The following MUC4 variants were observed in gnomAD, a reference collection of about 807,000 sequenced individuals.
MUC4 encodes the protein mucin 4, cell surface associated.
A neutral mutation model predicts 257.9 loss-of-function variants in MUC4; 202 were observed. The ratio of observed to expected loss-of-function variants is 0.78; its 90% confidence interval spans 0.70 to 0.88. The LOEUF (loss-of-function observed/expected upper bound fraction) is 0.88. Among genes scored for constraint, MUC4 ranks in the 40% least tolerant of loss-of-function variants. The pLI is 0.00. For missense variants in MUC4, 5,976 were observed against 6,513.7 expected, an observed-to-expected ratio of 0.92 and a Z score of 2.84; for synonymous variants, 2,351 against 2,757.1, an observed-to-expected ratio of 0.85 and a Z score of 4.62.
At chr3:195,798,885 C>G (rs975951038) in intron 1 of MUC4, among the ~76,000 whole-genome samples, 1 of 152,040 alleles carries the variant, frequency 6.6e-6, no homozygotes, top group African/African-American at 2.4e-5. Flanking sequence ...CCTTGCTTCC[C>G]CCTTTTGGAG....
chr3:195,801,134 C>T (rs1353816456), intron 1 of MUC4, among the ~76,000 whole-genome samples: 1 of 152,154 alleles, frequency 6.6e-6, no homozygotes, highest in Non-Finnish European at 1.5e-5. Context: ...TACTCATAGC[C>T]TTGTTCTTGC....
At chr3:195,772,208 G>A (rs1045276025) in intron 4 of MUC4, among the ~76,000 whole-genome samples, 8 of 149,480 alleles carry the variant, frequency 5.4e-5, no homozygotes, top group African/African-American at 2.0e-4. Context: ...TCCCTCCATC[G>A]CTCAGTGGGT....
At chr3:195,800,783 A>G (rs1735194498) in intron 1 of MUC4, among the ~76,000 whole-genome samples, 1 of 151,320 alleles carries the variant, frequency 6.6e-6, no homozygotes, top group Non-Finnish European at 1.5e-5. Context: ...TCAGCTGGGC[A>G]TGGTAGCTCA....
intron 5 of MUC4, chr3:195,770,609 C>T: frequency 1.7e-6 from 1 of 575,600 alleles, no homozygotes; most frequent in Admixed American, 3.1e-5. Context: ...TCCAAGACCT[C>T]TGGACTTGAA....
chr3:195,786,426 AAG>A lies in MUC4; in HGVS notation c.5152_5153del (p.Leu1718PhefsTer7). On this transcript the variant is annotated frameshift_variant, in exon 2 of 25. Transcript: ENST00000463781. LOFTEE classifies it high-confidence loss of function. ...TGGTGTCACCTGTGGATACTGAGGA[AAG>A]GCTGGTGACAGGAAGAGGGGTGGCC... ...GQATPLPVTS[L>X]SSVSTGDTTP... is the part of the protein sequence containing the mutation. 6.5e-7 allele frequency: 1 copy of A among 1,527,850 alleles called. No individual in the cohort carries two copies. Among genetic ancestry groups the A allele is most frequent in the South Asian group, 1.2e-5 (1 of 83,018 alleles). 94.6% of individuals were successfully genotyped at this position (1,527,850 alleles called of 1,614,324 possible). A position where few individuals can be genotyped will look rare whatever the true frequency, so the allele number is the denominator to read the frequency against.
At chr3:195,763,197 G>A (rs1317768145) in intron 12 of MUC4, among the ~76,000 whole-genome samples, 3 of 152,368 alleles carry the variant, frequency 2.0e-5, no homozygotes, top group Non-Finnish European at 1.5e-5. Context: ...TTCTTACTAG[G>A]AGAAAACCAA....
rs145224058 is a variant in MUC4, at chr3:195,748,993, G to A, written c.15943C>T (p.Gln5315Ter). The change falls in exon 24 of 25, where the codon CAG becomes TAG. Residue 5315 changes from glutamine to a stop codon, truncating the protein, a stop_gained. Transcript: ENST00000463781. LOFTEE classifies it high-confidence loss of function. ...YKGYDLVYSP[Q>*]SGFTCVSPCS... is the part of the protein sequence containing the mutation. ...GGGGACACGCAGGTGAAGCCGCTCT[G>A]GGGGCTGTAGACCAGGTCGTAGCCC... 1.6e-5 allele frequency: 26 copies of A among 1,609,638 alleles called. No homozygotes were observed. The highest frequency in any genetic ancestry group is 2.1e-5 in the Non-Finnish European group (25 of 1,177,988).
At chr3:195,753,916 G>A (rs930991755) in intron 19 of MUC4, 5 of 372,122 alleles carry the variant, frequency 1.3e-5, no homozygotes, top group South Asian at 1.1e-4. Flanking sequence ...TCTTTCGCCC[G>A]GGGCTCCCCC....
At chr3:195,750,815 T>C in intron 23 of MUC4, 74 bp downstream of exon 23, 3 of 1,352,746 alleles carry the variant, frequency 2.2e-6, no homozygotes, top group Non-Finnish European at 3.1e-6. Flanking sequence ...AGCTTGTTTG[T>C]GTGGGCTGAA....
intron 7 of MUC4, among the ~76,000 whole-genome samples, chr3:195,767,747 GCCA>G (rs1721516847): frequency 8.7e-4 from 4 of 4,594 alleles, no homozygotes; most frequent in Non-Finnish European, 1.3e-3. Context: ...CATCACCATC[GCCA>G]CCACCACCAT....
chr3:195,758,573 C>CTTTTTTTTTTTTTTTTTTT lies in MUC4; in HGVS notation c.14986+550_14986+551insAAAAAAAAAAAAAAAAAAA, dbSNP rs55860315. Among the ~76,000 whole-genome samples, 46 of 126,476 alleles carry CTTTTTTTTTTTTTTTTTTT rather than the reference C, an allele frequency of 3.6e-4. 6 individuals carry two copies. Among genetic ancestry groups the CTTTTTTTTTTTTTTTTTTT allele is most frequent in the African/African-American group, 1.0e-3 (33 of 32,102 alleles). The allele number at this position is 126,476 out of a possible 152,430, so 83.0% of individuals were successfully genotyped here. On this transcript the variant is annotated intron_variant, in intron 17 of 24. Transcript: ENST00000463781. ...GATTGAGATTAAATGATCTTCAAAT[C>CTTTTTTTTTTTTTTTTTTT]TTTTTTTTGAGACAGAGTCTCGCTC...
rs1460390518 is a variant in MUC4 at position 195,762,680 on chromosome 3, G to A, written c.14344+175C>T. ...CACGCACCGGGCCCTGCACCACAAC[G>A]CACCCGGCCCTGCACCGCAAAGCAC... On this transcript the variant is annotated intron_variant, in intron 13 of 24. Transcript: ENST00000463781. 2.5e-4 allele frequency among the ~76,000 whole-genome samples: 35 copies of A among 142,806 alleles called. 1 individual carries two copies. The highest frequency in any genetic ancestry group is 9.0e-4 in the African/African-American group (35 of 38,900). 93.7% of individuals were successfully genotyped at this position (142,806 alleles called of 152,430 possible).
rs111396908 is a variant in MUC4 at position 195,779,688 on chromosome 3, A to G, written c.11892T>C (p.Gly3964=). 6.9e-3 allele frequency: 7,193 copies of G among 1,048,114 alleles called. 223 individuals carry two copies. The highest frequency in any genetic ancestry group is 0.01 in the African/African-American group (365 of 35,362). The allele number at this position is 1,048,114 out of a possible 1,614,324, so 64.9% of individuals were successfully genotyped here. The change falls in exon 2 of 25, where the codon GGT becomes GGC. Residue 3964 remains glycine (G), a synonymous_variant. Coordinates refer to ENST00000463781, the MANE Select transcript of MUC4 (RefSeq NM_018406.7). Reference sequence around the variant, plus strand: ...TGGTGACAGGAAGAGAGGTGGCGTGACCTGTGGATACTGAGGAAGTGTCGG... The same window carrying G: ...TGGTGACAGGAAGAGAGGTGGCGTGGCCTGTGGATACTGAGGAAGTGTCGG... The part of the protein sequence containing the change: ...PVTDTSSVST[G]HATSLPVTSR...
Position 195,782,288 on chromosome 3 carries a change from A to G in MUC4, c.9292T>C (p.Ser3098Pro), listed in dbSNP as rs1299467738. 5.8e-6 allele frequency: 9 copies of G among 1,538,888 alleles called. 1 individual carries two copies. Among genetic ancestry groups the G allele is most frequent in the Admixed American group, 2.0e-5 (1 of 50,104 alleles). The change falls in exon 2 of 25, where the codon TCC becomes CCC. Residue 3098 changes from serine (S) to proline (P), a missense_variant. Around this residue, in one of 44 missense-constraint regions of MUC4, gnomAD observed 128 missense variants for 104.8 expected, o/e 1.22. Coordinates refer to ENST00000463781, the MANE Select transcript of MUC4 (RefSeq NM_018406.7). ...GGAAGAGGCGTGGTGTCACCTGTGG[A>G]TACTGAGGAAAGGCTGGTGACAGGA... ...PLPVTSLSSV[S>P]TGDTTPLPVT...
rs773328035 is a variant in MUC4, at chr3:195,782,301, G to A, written c.9279C>T (p.Ser3093=). Residue 3093 remains serine, a synonymous_variant, in exon 2 of 25, where the codon AGC becomes AGT. Transcript: ENST00000463781. ...TGHATPLPVT[S]LSSVSTGDTT... is the part of the protein sequence containing the mutation. The stretch of plus-strand genomic sequence containing the variant: ...TGTCACCTGTGGATACTGAGGAAAG[G>A]CTGGTGACAGGAAGAGGGGTGGCGT... 3 of 1,541,430 alleles carry A rather than the reference G, an allele frequency of 1.9e-6. No individual in the cohort carries two copies. The highest frequency in any genetic ancestry group is 2.5e-5 in the East Asian group (1 of 40,514).
At chr3:195,805,743 C>T (rs552305397) in intron 1 of MUC4, among the ~76,000 whole-genome samples, 34 of 152,000 alleles carry the variant, frequency 2.2e-4, no homozygotes, top group African/African-American at 8.0e-4. Flanking sequence ...GTGATCTGCC[C>T]GCTTCAGCTT....
Position 195,778,320 on chromosome 3 carries a change from G to T in MUC4, c.12926C>A (p.Pro4309His), listed in dbSNP as rs1725480220. Reference protein sequence around the residue: ...MHTRSTAAPIPILPERGVSLF... With the variant: ...MHTRSTAAPIHILPERGVSLF... ...GGCCTCACCTCTCTCAGGCAGGATG[G>T]GGATGGGGGCAGCTGTGGAGCGGGT... The change falls in exon 3 of 25, where the codon CCC becomes CAC. Residue 4309 changes from proline (P) to histidine (H), a missense_variant. By Grantham distance (77) the Pro-to-His change is moderately conservative. Around this residue, in one of 44 missense-constraint regions of MUC4, gnomAD observed 233 missense variants for 171.2 expected, o/e 1.36. Coordinates refer to ENST00000463781, the MANE Select transcript of MUC4 (RefSeq NM_018406.7). 2 of 1,611,326 alleles carry T rather than the reference G, an allele frequency of 1.2e-6. No homozygotes were observed. The highest frequency in any genetic ancestry group is 1.7e-6 in the Non-Finnish European group (2 of 1,179,356).
chr3:195,757,157 G>A lies in MUC4; in HGVS notation c.15158C>T (p.Ser5053Phe). 6.3e-7 allele frequency: 1 copy of A among 1,594,464 alleles called. No individual in the cohort carries two copies. Among genetic ancestry groups the A allele is most frequent in the African/African-American group, 1.3e-5 (1 of 74,678 alleles). ...CCTCCCAACACTCACCTCCAGGGAG[G>A]AGTTGCCCACCCTGCTGGTCTGATT... Reference protein sequence around the residue: ...LYNQTSRVGNSSLEVAGCKCD... With the variant: ...LYNQTSRVGNFSLEVAGCKCD... Residue 5053 changes from serine (S) to phenylalanine (F), a missense_variant, in exon 18 of 25, where the codon TCC becomes TTC. Transcript: ENST00000463781. This position sits in a 1 kb window ranked among gnomAD's most constrained non-coding sequence, Gnocchi z 4.8.
rs777296098 is a variant in MUC4, at chr3:195,788,555, G to A, written c.3025C>T (p.Leu1009Phe). The change falls in exon 2 of 25, where the codon CTT becomes TTT. Residue 1009 changes from leucine to phenylalanine, a missense_variant. Leu to Phe is a conservative substitution (Grantham distance 22). This residue lies in a region of MUC4 where 1,583 missense variants were observed against 1,257.4 expected (regional missense o/e 1.26). Coordinates refer to ENST00000463781, the MANE Select transcript of MUC4 (RefSeq NM_018406.7). ...SSVSTGHATPLPVTSPSSVST... is the reference protein window; with the variant it reads ...SSVSTGHATPFPVTSPSSVST... ...ACTGAGGAAGGGCTGGTGACAGGAA[G>A]AGGGGTGGCGTGACCTGTGGATACT... 3 of 1,528,480 alleles carry A rather than the reference G, an allele frequency of 2.0e-6. 1 individual carries two copies. The highest frequency in any genetic ancestry group is 4.0e-5 in the Admixed American group (2 of 50,532). The allele number at this position is 1,528,480 out of a possible 1,614,324, so 94.7% of individuals were successfully genotyped here. A position where few individuals can be genotyped will look rare whatever the true frequency, so the allele number is the denominator to read the frequency against.
Sources: gnomAD v4.1 joint callset for allele counts (sites outside exome capture counted in the v4.1 genomes callset) on GRCh38, gnomAD v4.1.1 for gene constraint, gnomAD v4.1.1 regional missense constraint, Gnocchi (gnomAD v3.1) non-coding constraint, MANE v1.5 for transcripts, NCBI Gene and HGNC (gene_info 2026-07-23, HGNC 2026-07-21) for gene names.